Variants in DGKG observed in about 807,000 individuals in gnomAD.
The protein encoded by DGKG is DAG kinase gamma.
Under a neutral mutation model 105.3 loss-of-function variants are expected in DGKG, and 78 were observed. That is an observed-to-expected ratio of 0.74 (90% CI 0.62 to 0.89). DGKG has a LOEUF of 0.89. Among genes scored for constraint, DGKG ranks in the 40% least tolerant of loss-of-function variants. DGKG has a pLI of 0.00. For missense variants in DGKG, 958 were observed against 1,020.1 expected (o/e 0.94, Z 0.83); for synonymous variants, 346 against 367.1 (o/e 0.94, Z 0.66).
At chr3:186,353,421 A>T (rs1393817706) in intron 1 of DGKG, among the ~76,000 whole-genome samples, 1 of 151,998 alleles carries the variant, frequency 6.6e-6, no homozygotes, top group African/African-American at 2.4e-5. Flanking sequence ...CGAGAGGTTG[A>T]GGCAGGAGAA....
intron 1 of DGKG, among the ~76,000 whole-genome samples, 189 bp from the exon 2 acceptor site, chr3:186,320,896 T>C (rs1725045157): frequency 6.6e-6 from 1 of 152,170 alleles, no homozygotes; most frequent in Non-Finnish European, 1.5e-5. Flanking sequence ...GGGCAAGCTG[T>C]GGCCTGTATG....
intron 20 of DGKG, among the ~76,000 whole-genome samples, chr3:186,239,455 T>C (rs190065187): frequency 4.2e-4 from 64 of 152,344 alleles, no homozygotes; most frequent in Middle Eastern, 3.4e-3. Flanking sequence ...GCTGGTGTAA[T>C]GGGGTAACCA....
chr3:186,293,594 G>T (rs143444498), intron 5 of DGKG, among the ~76,000 whole-genome samples: 1 of 152,168 alleles, frequency 6.6e-6, no homozygotes, highest in African/African-American at 2.4e-5. Context: ...TCAGGCCTCC[G>T]AGCCGAAGTC....
chr3:186,173,966 C>A (rs1716949670), intron 22 of DGKG, among the ~76,000 whole-genome samples: 1 of 152,150 alleles, frequency 6.6e-6, no homozygotes, highest in Non-Finnish European at 1.5e-5. Flanking sequence ...AATGCTTTCC[C>A]CAGAGAAACT....
chr3:186,284,317 C>T lies in DGKG; in HGVS notation c.594+343G>A, dbSNP rs181967921. Among the ~76,000 whole-genome samples the T allele has an allele frequency of 1.4e-4, 22 of 152,224 alleles. No homozygotes were observed. The highest frequency in any genetic ancestry group is 4.3e-4 in the African/African-American group (18 of 41,540). The stretch of plus-strand genomic sequence containing the variant: ...TTTCCCTTGGTCTTGTTGCCTCCCC[C>T]GCCCTCTCCTCTTGGCCTCAGGACT... On this transcript the variant is annotated intron_variant, in intron 7 of 24. Coordinates refer to ENST00000265022, the MANE Select transcript of DGKG (RefSeq NM_001346.3). This position sits in a 1 kb window ranked among gnomAD's most constrained non-coding sequence, Gnocchi z 4.0.
chr3:186,283,531 ATTT>A (rs1417590787), intron 7 of DGKG, among the ~76,000 whole-genome samples: 1 of 151,642 alleles, frequency 6.6e-6, no homozygotes, highest in Non-Finnish European at 1.5e-5. Flanking sequence ...TTCTTCCAAC[ATTT>A]CCTTTCCTTT....
chr3:186,261,815 C>A, intron 14 of DGKG, 37 bp from the exon 15 acceptor site: 1 of 1,364,400 alleles, frequency 7.3e-7, no homozygotes, highest in Non-Finnish European at 1.0e-6. Context: ...AGCTCTGCTT[C>A]ATCCAATAGG....
intron 19 of DGKG, among the ~76,000 whole-genome samples, chr3:186,244,407 G>GT (rs10701431): frequency 0.016 from 2,278 of 138,228 alleles, 43 homozygotes; most frequent in African/African-American, 0.037. Context: ...AGCTATTGAT[G>GT]TTTTTTTTTT....
chr3:186,151,011 G>C (rs1448866652), intron 24 of DGKG, among the ~76,000 whole-genome samples: 1 of 152,192 alleles, frequency 6.6e-6, no homozygotes, highest in African/African-American at 2.4e-5. Context: ...CGATGAAGTG[G>C]GAACAGGAAG....
Position 186,306,888 on chromosome 3 carries a change from G to A in DGKG, c.144+13C>T. The A allele has an allele frequency of 6.3e-7, 1 of 1,584,338 alleles. No homozygotes were observed. Among genetic ancestry groups the A allele is most frequent in the Non-Finnish European group, 8.7e-7 (1 of 1,154,358 alleles). On this transcript the variant is annotated intron_variant, in intron 3 of 24. Coordinates refer to ENST00000265022, the MANE Select transcript of DGKG (RefSeq NM_001346.3). The stretch of plus-strand genomic sequence containing the variant: ...CAGGGGTTTTTAAAGGCTTAAAATG[G>A]AAATGTTCTTACCTCATGTGGGTCA...
At chr3:186,172,775 T>C (rs1716884278) in intron 22 of DGKG, among the ~76,000 whole-genome samples, 1 of 152,254 alleles carries the variant, frequency 6.6e-6, no homozygotes, top group African/African-American at 2.4e-5. Flanking sequence ...TTCTTGAGGA[T>C]GGGACTAATA....
intron 24 of DGKG, 136 bp downstream of exon 24, chr3:186,161,467 T>A (rs1716287461): frequency 1.4e-6 from 2 of 1,477,068 alleles, no homozygotes; most frequent in East Asian, 4.9e-5. Flanking sequence ...GATAATAAAG[T>A]GGAAGAGGGG....
intron 3 of DGKG, among the ~76,000 whole-genome samples, chr3:186,302,504 ATACATATG>A (rs1724000374): frequency 9.7e-4 from 8 of 8,228 alleles, no homozygotes; most frequent in Admixed American, 2.7e-3. Context: ...ATATATATAT[ATACATATG>A]TGTATATATA....
chr3:186,313,392 AT>A lies in DGKG; in HGVS notation c.68-6416del, dbSNP rs376176706. On this transcript the variant is annotated intron_variant, in intron 2 of 24. Coordinates refer to ENST00000265022, the MANE Select transcript of DGKG (RefSeq NM_001346.3). ...GCAATAAAACGTTTTTTAAGACACAATTTTTTTGTCATAAATGATCTGAATC... is the reference window on the plus strand; with the variant it reads ...GCAATAAAACGTTTTTTAAGACACAATTTTTTGTCATAAATGATCTGAATC... The A allele has an allele frequency of 1.1e-3, 758 of 673,714 alleles. 1 individual carries two copies. The African/African-American group carries it at 0.013, about 12-fold the overall frequency. The allele number at this position is 673,714 out of a possible 1,614,324, so 41.7% of individuals were successfully genotyped here. A position where few individuals can be genotyped will look rare whatever the true frequency, so the allele number is the denominator to read the frequency against.
At chr3:186,271,532 C>T (rs1032069543) in intron 11 of DGKG, among the ~76,000 whole-genome samples, 2 of 152,142 alleles carry the variant, frequency 1.3e-5, no homozygotes, top group Non-Finnish European at 2.9e-5. Context: ...GTTTCCCTCC[C>T]CTGATTTCTC....
intron 21 of DGKG, among the ~76,000 whole-genome samples, chr3:186,200,719 C>G (rs780616918): frequency 2.0e-5 from 3 of 152,216 alleles, no homozygotes; most frequent in Non-Finnish European, 2.9e-5. Context: ...TGACAGTGAG[C>G]TGAGGTGGGC....
chr3:186,165,423 GTC>G (rs1716493683), intron 22 of DGKG, among the ~76,000 whole-genome samples: 2 of 152,226 alleles, frequency 1.3e-5, no homozygotes, highest in Non-Finnish European at 2.9e-5. Flanking sequence ...GCTGGACCAA[GTC>G]TCTCTTCTCT....
At chr3:186,322,692 TGCTGCGGCAGCCCTGA>T (rs1362939999) in intron 1 of DGKG, among the ~76,000 whole-genome samples, 2 of 152,202 alleles carry the variant, frequency 1.3e-5, no homozygotes, top group Non-Finnish European at 2.9e-5. Context: ...ACCCCCGGCA[TGCTGCGGCAGCCCTGA>T]GCTCTCTCCT....
intron 22 of DGKG, among the ~76,000 whole-genome samples, chr3:186,169,590 C>T (rs77878716): frequency 2.0e-5 from 3 of 152,208 alleles, no homozygotes; most frequent in East Asian, 1.9e-4. Context: ...CGCAGACATA[C>T]ACAACATGTC....
Sources: gnomAD v4.1 joint callset for allele counts (sites outside exome capture counted in the v4.1 genomes callset) on GRCh38, gnomAD v4.1.1 for gene constraint, Gnocchi (gnomAD v3.1) non-coding constraint, MANE v1.5 for transcripts, NCBI Gene and HGNC (gene_info 2026-07-23, HGNC 2026-07-21) for gene names.